The following MAEA variants were observed in gnomAD, a reference collection of about 807,000 sequenced individuals.
MAEA encodes the protein E3 ubiquitin-protein transferase MAEA.
A neutral mutation model predicts 46.2 loss-of-function variants in MAEA; 22 were observed. The ratio of observed to expected loss-of-function variants is 0.48; its 90% CI spans 0.34 to 0.68. The LOEUF (loss-of-function observed/expected upper bound fraction) is 0.68. MAEA is among the 30% of genes least tolerant of loss of function. The pLI, the probability that MAEA is intolerant of heterozygous loss-of-function variation, is 0.01. For missense variants in MAEA, 393 were observed against 558.1 expected (o/e 0.70, Z 2.98); for synonymous variants, 246 against 222.6 (o/e 1.11, Z -0.94).
At chr4:1,318,714 A>G (rs1222471804) in intron 3 of MAEA, among the ~76,000 whole-genome samples, 2 of 152,154 alleles carry the variant, frequency 1.3e-5, no homozygotes, top group African/African-American at 4.8e-5. Flanking sequence ...GGTTGTGGAA[A>G]TGTAAACCCC....
intron 5 of MAEA, chr4:1,328,918 G>A (rs1739186123): frequency 2.0e-6 from 2 of 1,006,912 alleles, no homozygotes; most frequent in Admixed American, 1.1e-4. Flanking sequence ...CCGGGCCAGT[G>A]GAGAGTGGCG....
Position 1,336,767 on chromosome 4 carries a change from C to T in MAEA, c.766-94C>T, listed in dbSNP as rs905684919. The T allele has an allele frequency of 3.0e-5, 38 of 1,261,728 alleles. No homozygotes were observed. In the African/African-American group the frequency reaches 4.2e-4, roughly 14 times the overall value. 78.2% of individuals were successfully genotyped at this position (1,261,728 alleles called of 1,614,324 possible). On this transcript the variant is annotated intron_variant, in intron 6 of 8. Coordinates refer to ENST00000303400, the MANE Select transcript of MAEA (RefSeq NM_001017405.3). ...GGGTCACTGGGGGATGGCTGTGGGC[C>T]GATGGCACCTGCTTCACCATGGTCC...
intron 6 of MAEA, among the ~76,000 whole-genome samples, chr4:1,336,161 T>G (rs892505455): frequency 4.0e-5 from 6 of 149,920 alleles, no homozygotes; most frequent in African/African-American, 1.5e-4. Context: ...AGATCAGCAC[T>G]GGCCTTGCAG....
chr4:1,295,157 C>T (rs866862843), intron 1 of MAEA, among the ~76,000 whole-genome samples: 4 of 152,170 alleles, frequency 2.6e-5, no homozygotes, highest in African/African-American at 7.2e-5. Flanking sequence ...GTGACTGCCC[C>T]GTCTGCAGAG....
intron 1 of MAEA, among the ~76,000 whole-genome samples, chr4:1,296,545 A>C (rs1446347813): frequency 1.4e-5 from 2 of 139,830 alleles, no homozygotes; most frequent in African/African-American, 2.9e-5. Flanking sequence ...CTGCTCCTGC[A>C]CTTGGTTCTC....
chr4:1,305,767 G>A lies in MAEA; in HGVS notation c.70-6212G>A, dbSNP rs558012757. 6.2e-4 allele frequency among the ~76,000 whole-genome samples: 43 copies of A among 69,004 alleles called. No homozygotes were observed. The East Asian group carries it at 8.0e-3, about 13-fold the overall frequency. The allele number at this position is 69,004 out of a possible 152,430, so 45.3% of individuals were successfully genotyped here. Reference sequence around the variant, plus strand: ...AGTGTGCGTGCGTGCACGTGCGCACGCGTGCGTGTAAGGAGCTGTGTCACA... The same window carrying A: ...AGTGTGCGTGCGTGCACGTGCGCACACGTGCGTGTAAGGAGCTGTGTCACA... On this transcript the variant is annotated intron_variant, in intron 1 of 8. Transcript: ENST00000303400.
chr4:1,315,251 G>A, intron 2 of MAEA, 146 bp from the exon 3 acceptor site: 1 of 710,130 alleles, frequency 1.4e-6, no homozygotes, highest in Non-Finnish European at 2.4e-6. Flanking sequence ...CTGCCTAGCG[G>A]ACTCGGTAGA....
At position 1,289,961 on chromosome 4, in the gene MAEA, C is replaced by G. The variant is rs745700033; in HGVS notation, c.48C>G (p.Val16=). 6.3e-7 allele frequency: 1 copy of G among 1,597,772 alleles called. No homozygotes were observed. The highest frequency in any genetic ancestry group is 1.1e-5 in the South Asian group (1 of 88,642). Residue 16 remains valine, a synonymous_variant, in exon 1 of 9, where the codon GTC becomes GTG. Transcript: ENST00000303400. ...CTCAGTTGTCCATGACCCTGAAGGT[C>G]CAGGAGTACCCGACCCTCAAGGTGG... ...SAAQLSMTLK[V]QEYPTLKVPY...
intron 1 of MAEA, among the ~76,000 whole-genome samples, chr4:1,294,813 G>C (rs1373583244): frequency 2.8e-5 from 4 of 142,448 alleles, no homozygotes; most frequent in African/African-American, 1.0e-4. Flanking sequence ...GGGGCCGGGG[G>C]CAGGGGCAGG....
At chr4:1,321,066 C>T (rs1577199226) in intron 3 of MAEA, among the ~76,000 whole-genome samples, 1 of 152,170 alleles carries the variant, frequency 6.6e-6, no homozygotes, top group African/African-American at 2.4e-5. Flanking sequence ...CGCCACTGCA[C>T]TCCAGCCTGG....
rs978666847 is a variant in MAEA at position 1,335,725 on chromosome 4, A to G, written c.766-1136A>G. Reference sequence around the variant, plus strand: ...AGAGTTAAGTCAGCACTGGCCCCACAGTGTGTTGAAATCACAGAGTTAAGT... The same window carrying G: ...AGAGTTAAGTCAGCACTGGCCCCACGGTGTGTTGAAATCACAGAGTTAAGT... On this transcript the variant is annotated intron_variant, in intron 6 of 8. Transcript: ENST00000303400. The G allele has an allele frequency of 7.1e-6, 7 of 983,688 alleles. 1 individual carries two copies. Among genetic ancestry groups the G allele is most frequent in the Middle Eastern group, 1.0e-3 (2 of 1,934 alleles). The allele number at this position is 983,688 out of a possible 1,614,324, so 60.9% of individuals were successfully genotyped here.
chr4:1,321,547 C>T (rs903041731), intron 3 of MAEA, among the ~76,000 whole-genome samples: 3 of 152,236 alleles, frequency 2.0e-5, no homozygotes, highest in African/African-American at 2.4e-5. Context: ...GAAAACAGCG[C>T]ATCTGTGAGG....
At chr4:1,327,738 G>T in intron 5 of MAEA, 35 bp downstream of exon 5, 2 of 1,592,218 alleles carry the variant, frequency 1.3e-6, no homozygotes, top group Non-Finnish European at 8.6e-7. Context: ...CTCGAGGGAG[G>T]GCAGGATGTT....
intron 3 of MAEA, among the ~76,000 whole-genome samples, chr4:1,316,904 G>T (rs555881370): frequency 6.9e-6 from 1 of 144,190 alleles, no homozygotes; most frequent in African/African-American, 2.6e-5. Flanking sequence ...CCCCAGCCTT[G>T]CGGCACTCCA....
rs1022183471 is a variant in MAEA, at chr4:1,339,814, G to A, written c.*645G>A. On this transcript the variant is annotated 3_prime_UTR_variant, in exon 9 of 9. Coordinates refer to ENST00000303400, the MANE Select transcript of MAEA (RefSeq NM_001017405.3). ...ACATCGCGGGGCTGTGTTCGTAGCT[G>A]CGTCGTTTCGATATCACACCCTCTG... 1 of 152,888 alleles carries A rather than the reference G, an allele frequency of 6.5e-6. No individual in the cohort carries two copies. Among genetic ancestry groups the A allele is most frequent in the Non-Finnish European group, 1.5e-5 (1 of 68,202 alleles). 9.5% of individuals were successfully genotyped at this position (152,888 alleles called of 1,614,324 possible).
Position 1,336,842 on chromosome 4 carries a change from T to G in MAEA, c.766-19T>G, listed in dbSNP as rs1421524150. 2 of 1,611,406 alleles carry G rather than the reference T, an allele frequency of 1.2e-6. No homozygotes were observed. Among genetic ancestry groups the G allele is most frequent in the South Asian group, 1.1e-5 (1 of 90,878 alleles). The stretch of plus-strand genomic sequence containing the variant: ...TTCCCTGGGAGCATCCCCAGGACCC[T>G]CTGCTCTCTGTCTTCCAGGACCTTC... On this transcript the variant is annotated intron_variant, in intron 6 of 8. Transcript: ENST00000303400.
intron 4 of MAEA, among the ~76,000 whole-genome samples, chr4:1,324,286 ATGAGTGTGT>A (rs1738524045): frequency 7.3e-6 from 1 of 136,060 alleles, no homozygotes; most frequent in Non-Finnish European, 1.5e-5. Flanking sequence ...TGCCTGGTGG[ATGAGTGTGT>A]CTGGTGTTGG....
chr4:1,338,600 T>C lies in MAEA; in HGVS notation c.1078T>C (p.Tyr360His). The C allele has an allele frequency of 6.2e-7, 1 of 1,610,260 alleles. No homozygotes were observed. The highest frequency in any genetic ancestry group is 1.3e-5 in the African/African-American group (1 of 74,944). The change falls in exon 8 of 9, where the codon TAC becomes CAC. Residue 360 changes from tyrosine to histidine, a missense_variant. Around this residue, in one of 2 missense-constraint regions of MAEA, gnomAD observed 358 missense variants for 537.9 expected, o/e 0.67. Coordinates refer to ENST00000303400, the MANE Select transcript of MAEA (RefSeq NM_001017405.3). ...NNPPMMLPNG[Y>H]VYGYNSLLSI... ...TCCGCCCATGATGCTGCCCAACGGC[T>C]ACGTCTACGGCTACAATGTGAGGGG...
At chr4:1,298,862 CATTAAAATTATTATT>C (rs923606224) in intron 1 of MAEA, among the ~76,000 whole-genome samples, 5 of 150,680 alleles carry the variant, frequency 3.3e-5, no homozygotes, top group Non-Finnish European at 7.4e-5. Context: ...GGCACTTTGG[CATTAAAATTATTATT>C]ATTAAAATTA....
Sources: allele counts gnomAD v4.1 joint callset (sites outside exome capture counted in the v4.1 genomes callset), GRCh38; gene constraint gnomAD v4.1.1; regional missense constraint gnomAD v4.1.1; transcripts MANE v1.5; gene names NCBI Gene and HGNC (gene_info 2026-07-23, HGNC 2026-07-21).